SLC9A6: variants seen among roughly 807,000 people sequenced by gnomAD.
The protein encoded by SLC9A6 is solute carrier family 9 member A6, also known as sodium/hydrogen exchanger 6.
A neutral mutation model predicts 45.3 loss-of-function variants in SLC9A6; 6 were observed. That is an observed-to-expected ratio of 0.13 (90% confidence interval 0.07 to 0.26). The LOEUF (loss-of-function observed/expected upper bound fraction) is 0.26, where lower values mean the gene tolerates loss of function less well. SLC9A6 is among the 10% of genes least tolerant of loss of function. The pLI is 1.00. For synonymous variants in SLC9A6, 191 were observed against 187.7 expected, an observed-to-expected ratio of 1.02 and a Z score of -0.14; for missense variants, 278 against 503.7, an observed-to-expected ratio of 0.55 and a Z score of 4.29.
chrX:136,002,130 C>T lies in SLC9A6; in HGVS notation c.660C>T (p.His220=), dbSNP rs1166825388. The change falls in exon 7 of 18, where the codon CAC becomes CAT. Residue 220 remains histidine (H), a synonymous_variant. Transcript: ENST00000630721. ...TDPVTVLAIF[H]ELQVDVELYA... ...TAGTGACTGTTCTTGCTATATTCCA[C>T]GAGCTTCAAGTTGATGTTGAACTCT... 6.7e-6 allele frequency: 8 copies of T among 1,202,403 alleles called. No homozygotes were observed. Among genetic ancestry groups the T allele is most frequent in the African/African-American group, 3.5e-5 (2 of 56,942 alleles).
At chrX:135,989,901 G>GT (rs781911244) in intron 2 of SLC9A6, among the ~76,000 whole-genome samples, 16 of 108,524 alleles carry the variant, frequency 1.5e-4, no homozygotes, top group Admixed American at 6.8e-4. Context: ...TTGTGGTTGT[G>GT]TTTTTTTTGT....
chrX:136,038,457 T>A (rs1949544149), intron 16 of SLC9A6, among the ~76,000 whole-genome samples: 1 of 112,180 alleles, frequency 8.9e-6, no homozygotes, highest in South Asian at 3.7e-4. Context: ...ATTTTGCATC[T>A]GATTTTTGTG....
Position 135,985,606 on chromosome X carries a change from G to C in SLC9A6, c.-53G>C, listed in dbSNP as rs1382310975. ...CCCCTTTGGTTGCTCCTCGCAGTGG[G>C]CGTCTTTGACTGGGCAGGGGCTTCG... On this transcript the variant is annotated 5_prime_UTR_variant, in exon 2 of 18. Coordinates refer to ENST00000630721, the MANE Select transcript of SLC9A6 (RefSeq NM_001379110.1). The C allele has an allele frequency of 3.3e-6, 4 of 1,208,417 alleles. No individual in the cohort carries two copies. Among genetic ancestry groups the C allele is most frequent in the African/African-American group, 3.5e-5 (2 of 56,930 alleles).
chrX:135,998,370 T>C (rs782532258), intron 4 of SLC9A6, 112 bp from the exon 5 acceptor site: 1 of 583,797 alleles, frequency 1.7e-6, no homozygotes, highest in African/African-American at 2.3e-5. Context: ...TAGTGAATAA[T>C]GCATTTAATC....
intron 11 of SLC9A6, among the ~76,000 whole-genome samples, chrX:136,017,097 G>A (rs1295891034): frequency 9.0e-6 from 1 of 111,138 alleles, no homozygotes. Context: ...GGCAGAAGGC[G>A]AAAGATAAGG....
At chrX:135,979,021 C>A (rs928726386) in intron 1 of SLC9A6, among the ~76,000 whole-genome samples, 4 of 110,450 alleles carry the variant, frequency 3.6e-5, no homozygotes, top group African/African-American at 1.3e-4. Context: ...CATTTCTTCC[C>A]TGCTTTGTAA....
At position 136,045,267 on chromosome X, in the gene SLC9A6, C is replaced by A. The variant is rs1220318638; in HGVS notation, c.*543C>A. The stretch of plus-strand genomic sequence containing the variant: ...CGAGCTGATGGCATTTGATCTTGCC[C>A]CATTCAGGTTGGGGAGTGAAGTGTG... On this transcript the variant is annotated 3_prime_UTR_variant, in exon 18 of 18. Coordinates refer to ENST00000630721, the MANE Select transcript of SLC9A6 (RefSeq NM_001379110.1). The A allele has an allele frequency of 8.6e-6, 1 of 116,785 alleles. No individual in the cohort carries two copies. Among genetic ancestry groups the A allele is most frequent in the African/African-American group, 3.3e-5 (1 of 30,664 alleles). 9.6% of individuals were successfully genotyped at this position (116,785 alleles called of 1,213,427 possible).
chrX:135,998,004 C>G (rs1282087886), intron 3 of SLC9A6, 104 bp from the exon 4 acceptor site: 32 of 511,381 alleles, frequency 6.3e-5, no homozygotes, highest in Non-Finnish European at 1.1e-4. Flanking sequence ...AATGTTCTTG[C>G]CTTTGACTAG....
intron 2 of SLC9A6, among the ~76,000 whole-genome samples, 200 bp from the exon 3 acceptor site, chrX:135,994,586 T>C (rs1429333460): frequency 8.9e-6 from 1 of 111,884 alleles, no homozygotes; most frequent in Non-Finnish European, 1.9e-5. Context: ...TCTCTCCTGT[T>C]TCACTGGATT....
intron 10 of SLC9A6, among the ~76,000 whole-genome samples, chrX:136,015,929 A>G (rs2071011110): frequency 9.0e-6 from 1 of 111,046 alleles, no homozygotes; most frequent in Admixed American, 9.6e-5. Context: ...CGAGATTATG[A>G]AGGGCCTTAA....
rs180879772 is a variant in SLC9A6, at chrX:135,976,583, C to G, written c.-57+1800C>G. Among the ~76,000 whole-genome samples the G allele has an allele frequency of 4.7e-3, 482 of 101,602 alleles. 3 individuals carry two copies. The highest frequency in any genetic ancestry group is 0.015 in the African/African-American group (419 of 27,425). 88.2% of individuals were successfully genotyped at this position (101,602 alleles called of 115,157 possible). ...CGCCATTGCACTCCAGCCTGGGCAA[C>G]AAGAGTGAAACTCCATTTCCAAAAA... On this transcript the variant is annotated intron_variant, in intron 1 of 16. Coordinates refer to the SLC9A6 transcript ENST00000636092.
At chrX:136,028,333 A>C (rs782409285) in intron 13 of SLC9A6, among the ~76,000 whole-genome samples, 1 of 111,987 alleles carries the variant, frequency 8.9e-6, no homozygotes, top group African/African-American at 3.2e-5. Flanking sequence ...AAAGCAGCCA[A>C]GTCCAGATTT....
intron 11 of SLC9A6, among the ~76,000 whole-genome samples, chrX:136,020,659 C>G (rs1024522127): frequency 8.9e-6 from 1 of 112,231 alleles, no homozygotes; most frequent in Admixed American, 9.5e-5. Flanking sequence ...GCGTGAGCCA[C>G]CACACCCAGC....
intron 15 of SLC9A6, among the ~76,000 whole-genome samples, chrX:136,032,762 C>G (rs1476322856): frequency 8.9e-6 from 1 of 112,480 alleles, no homozygotes; most frequent in South Asian, 3.6e-4. Context: ...AGATCCATGA[C>G]GACTCCCAAA....
At chrX:136,009,567 T>C (rs1234644706) in intron 7 of SLC9A6, among the ~76,000 whole-genome samples, 1 of 112,551 alleles carries the variant, frequency 8.9e-6, no homozygotes, top group Non-Finnish European at 1.9e-5. Flanking sequence ...GAGTCTGGAC[T>C]TTTTATAATG....
In SLC9A6 at chrX:136,011,719, C is replaced by A. The variant is rs781793876; in HGVS notation, c.885+1136C>A. Among the ~76,000 whole-genome samples the A allele has an allele frequency of 2.7e-5, 3 of 111,811 alleles. No individual in the cohort carries two copies. The South Asian group carries it at 1.1e-3, about 42-fold the overall frequency. On this transcript the variant is annotated intron_variant, in intron 8 of 17. Coordinates refer to ENST00000630721, the MANE Select transcript of SLC9A6 (RefSeq NM_001379110.1). ...ACATGCTAGAAGCTTTGACACTTCA[C>A]CTCTTTGGATCTCAGTGTAGGAAAT...
At chrX:135,988,525 T>C (rs1226817291) in intron 2 of SLC9A6, among the ~76,000 whole-genome samples, 1 of 107,107 alleles carries the variant, frequency 9.3e-6, no homozygotes, top group Non-Finnish European at 1.9e-5. Context: ...TCTCTCTTTC[T>C]TTCTCTCTCT....
chrX:136,021,941 C>G (rs2071132800), intron 11 of SLC9A6, among the ~76,000 whole-genome samples: 1 of 112,120 alleles, frequency 8.9e-6, no homozygotes, highest in Admixed American at 9.4e-5. Flanking sequence ...GTCCCATAGA[C>G]AGCAAACTGG....
intron 16 of SLC9A6, among the ~76,000 whole-genome samples, chrX:136,037,663 C>G (rs910240679): frequency 2.7e-5 from 3 of 112,034 alleles, no homozygotes; most frequent in Non-Finnish European, 5.6e-5. Context: ...CTCTGCCTCC[C>G]GGATTCAAGT....
Sources: gnomAD v4.1 joint callset for allele counts (sites outside exome capture counted in the v4.1 genomes callset) on GRCh38, gnomAD v4.1.1 for gene constraint, MANE v1.5 for transcripts, NCBI Gene and HGNC (gene_info 2026-07-23, HGNC 2026-07-21) for gene names.